The following SCHIP1 variants were observed in gnomAD, a reference collection of about 807,000 sequenced individuals.
The protein encoded by SCHIP1 is schwannomin-interacting protein 1.
SCHIP1 carries 8 observed loss-of-function variants against 29.7 expected under a neutral mutation model. The ratio of observed to expected loss-of-function variants is 0.27; its 90% CI spans 0.16 to 0.49. The LOEUF (loss-of-function observed/expected upper bound fraction) is 0.49. Ranked by LOEUF, SCHIP1 falls within the 20% of genes least tolerant of loss-of-function variation. The pLI, the probability that SCHIP1 is intolerant of heterozygous loss-of-function variation, is 0.99. For synonymous variants in SCHIP1, 76 were observed against 94.9 expected (o/e 0.80, Z 1.16); for missense variants, 193 against 294.6 (o/e 0.66, Z 2.52).
the SCHIP1 span, among the ~76,000 whole-genome samples, chr3:159,783,509 A>G: frequency 9.8e-5 from 15 of 152,370 alleles, no homozygotes; most frequent in African/African-American, 3.6e-4. Context: ...CACCAGTCCT[A>G]AAAGCCATCT....
chr3:159,382,484 C>T, the SCHIP1 span, among the ~76,000 whole-genome samples: 4 of 151,884 alleles, frequency 2.6e-5, no homozygotes, highest in Non-Finnish European at 5.9e-5. Flanking sequence ...ATATGTGCCA[C>T]ATTTTCTTAA....
intron 3 of SCHIP1, chr3:159,887,492 A>G (rs1159508647): frequency 3.8e-6 from 2 of 526,608 alleles, no homozygotes; most frequent in East Asian, 6.2e-5. Context: ...ATTTCCCATT[A>G]TTAACTATAC....
At chr3:159,743,154 G>T in the SCHIP1 span, among the ~76,000 whole-genome samples, 1 of 152,118 alleles carries the variant, frequency 6.6e-6, no homozygotes, top group Non-Finnish European at 1.5e-5. Flanking sequence ...AGGCTGAATG[G>T]ATTCTTAATC....
the SCHIP1 span, among the ~76,000 whole-genome samples, chr3:159,347,151 C>G: frequency 6.6e-6 from 1 of 152,096 alleles, no homozygotes; most frequent in Non-Finnish European, 1.5e-5. Context: ...GCACATTGTA[C>G]CATACCATAG....
the SCHIP1 span, among the ~76,000 whole-genome samples, chr3:159,541,977 A>G: frequency 1.8e-4 from 27 of 152,206 alleles, no homozygotes; most frequent in African/African-American, 5.8e-4. Flanking sequence ...TCAGATCTCT[A>G]TGATGCTCTA....
the SCHIP1 span, among the ~76,000 whole-genome samples, chr3:159,817,513 G>A: frequency 5.1e-4 from 77 of 152,162 alleles, no homozygotes; most frequent in South Asian, 1.2e-3. Flanking sequence ...GTGTTTGCCC[G>A]TATCTGTACT....
At chr3:159,686,265 A>C in the SCHIP1 span, among the ~76,000 whole-genome samples, 5 of 152,234 alleles carry the variant, frequency 3.3e-5, no homozygotes, top group African/African-American at 1.2e-4. Context: ...TTTGAAGCCC[A>C]GATGTGCAGC....
the SCHIP1 span, among the ~76,000 whole-genome samples, chr3:159,778,167 G>A: frequency 6.6e-6 from 1 of 152,044 alleles, no homozygotes; most frequent in East Asian, 1.9e-4. Context: ...CTAATTTTTT[G>A]TATTTTTAGT....
chr3:159,646,994 C>A, the SCHIP1 span, among the ~76,000 whole-genome samples: 1 of 151,798 alleles, frequency 6.6e-6, no homozygotes, highest in African/African-American at 2.4e-5. Context: ...GGAGAGAGAT[C>A]TGGGCTAAGG....
the SCHIP1 span, among the ~76,000 whole-genome samples, chr3:159,627,411 T>A: frequency 6.6e-6 from 1 of 152,350 alleles, no homozygotes; most frequent in South Asian, 2.1e-4. Context: ...TGGCACTGGC[T>A]GTCTGCCAGA....
chr3:159,481,049 A>T, the SCHIP1 span, among the ~76,000 whole-genome samples: 1 of 152,182 alleles, frequency 6.6e-6, no homozygotes, highest in African/African-American at 2.4e-5. Flanking sequence ...GAATCTCACA[A>T]GGTAATGTCA....
the SCHIP1 span, among the ~76,000 whole-genome samples, chr3:159,434,375 A>G: frequency 1.3e-5 from 2 of 152,262 alleles, no homozygotes; most frequent in Admixed American, 1.3e-4. Flanking sequence ...GACAGCAGAT[A>G]GCAGAAAACC....
the SCHIP1 span, among the ~76,000 whole-genome samples, chr3:159,779,956 A>T: frequency 2.6e-5 from 4 of 152,106 alleles, no homozygotes. Context: ...CTATATTCTT[A>T]GGTTCTTCCT....
the SCHIP1 span, among the ~76,000 whole-genome samples, chr3:159,463,440 T>C: frequency 6.6e-6 from 1 of 152,096 alleles, no homozygotes; most frequent in Non-Finnish European, 1.5e-5. Flanking sequence ...TGCCAAGTAC[T>C]CTGTTTGATG....
the SCHIP1 span, among the ~76,000 whole-genome samples, chr3:159,395,984 C>T: frequency 6.6e-6 from 1 of 151,926 alleles, no homozygotes; most frequent in East Asian, 1.9e-4. Context: ...TCAGGACTTG[C>T]TTCATGTATC....
At chr3:159,412,715 C>T in the SCHIP1 span, among the ~76,000 whole-genome samples, 30 of 152,136 alleles carry the variant, frequency 2.0e-4, 1 homozygote, top group South Asian at 5.4e-3. Flanking sequence ...TTTATGTTAA[C>T]GAAAAAAGAC....
the SCHIP1 span, among the ~76,000 whole-genome samples, chr3:159,279,332 A>G: frequency 1.3e-5 from 2 of 152,152 alleles, no homozygotes; most frequent in Non-Finnish European, 2.9e-5. Context: ...ACCTTCTGCC[A>G]TGATTGTGAG....
the SCHIP1 span, among the ~76,000 whole-genome samples, chr3:159,432,873 GT>G: frequency 1.3e-5 from 2 of 152,166 alleles, no homozygotes; most frequent in African/African-American, 2.4e-5. Context: ...GATTTCCTCA[GT>G]GAGTCCTCTT....
chr3:159,764,552 G>A, the SCHIP1 span: 4 of 1,599,638 alleles, frequency 2.5e-6, no homozygotes, highest in South Asian at 2.3e-5. This position sits in a 1 kb window ranked among gnomAD's most constrained non-coding sequence, Gnocchi z 6.1. Flanking sequence ...TGCTCCGAGT[G>A]CAAATCTTCA....
Sources: allele counts gnomAD v4.1 joint callset (sites outside exome capture counted in the v4.1 genomes callset), GRCh38; gene constraint gnomAD v4.1.1; non-coding constraint Gnocchi (gnomAD v3.1); transcripts MANE v1.5; gene names NCBI Gene and HGNC (gene_info 2026-07-23, HGNC 2026-07-21).